UBAC2: variants seen among roughly 807,000 people sequenced by gnomAD.
UBAC2 encodes ubiquitin-associated domain-containing protein 2.
UBAC2 carries 26 observed loss-of-function variants against 44.0 expected under a neutral mutation model. The observed-to-expected ratio is 0.59, with a 90% CI of 0.43 to 0.82. The LOEUF (loss-of-function observed/expected upper bound fraction) is 0.82. Ranked by LOEUF, UBAC2 falls within the 40% of genes least tolerant of loss-of-function variation. UBAC2 has a pLI of 0.00. For missense variants in UBAC2, 329 were observed against 419.4 expected, an observed-to-expected ratio of 0.78 and a Z score of 1.88; for synonymous variants, 155 against 154.3, an observed-to-expected ratio of 1.00 and a Z score of -0.04.
At chr13:99,241,235 A>T (rs373087776) in intron 2 of UBAC2, among the ~76,000 whole-genome samples, 2 of 150,214 alleles carry the variant, frequency 1.3e-5, no homozygotes, top group East Asian at 3.9e-4. Flanking sequence ...ACTGCACTAC[A>T]GCCTGGGCAA....
At chr13:99,290,202 C>T (rs1011007029) in intron 4 of UBAC2, among the ~76,000 whole-genome samples, 1 of 152,166 alleles carries the variant, frequency 6.6e-6, no homozygotes, top group Non-Finnish European at 1.5e-5. Context: ...TAGAACAAGC[C>T]TCACAGCATT....
At chr13:99,231,850 A>G (rs1162389744) in intron 1 of UBAC2, among the ~76,000 whole-genome samples, 1 of 152,236 alleles carries the variant, frequency 6.6e-6, no homozygotes, top group African/African-American at 2.4e-5. Context: ...ATGGAATAAC[A>G]GCTGCCCAGT....
chr13:99,288,987 A>T (rs995922245), intron 4 of UBAC2, among the ~76,000 whole-genome samples: 5 of 152,242 alleles, frequency 3.3e-5, no homozygotes, highest in Non-Finnish European at 7.3e-5. Flanking sequence ...TGAGGGATAC[A>T]AGAATATTGC....
intron 1 of UBAC2, chr13:99,201,140 G>C: frequency 2.2e-6 from 3 of 1,368,296 alleles, no homozygotes; most frequent in Non-Finnish European, 2.8e-6. Context: ...GGGCGAATGG[G>C]GACAAAGCCC....
chr13:99,215,797 G>A (rs1008482596), intron 1 of UBAC2: 2 of 787,508 alleles, frequency 2.5e-6, no homozygotes, highest in Admixed American at 2.6e-5. Context: ...CAGAGAAAGG[G>A]CTAATCAGAC....
At chr13:99,368,680 CAT>C (rs2045363026) in intron 8 of UBAC2, among the ~76,000 whole-genome samples, 1 of 119,636 alleles carries the variant, frequency 8.4e-6, no homozygotes, top group South Asian at 2.7e-4. Context: ...ATCGTAAACT[CAT>C]GAGAGAGTGT....
At chr13:99,289,877 C>A (rs978169320) in intron 4 of UBAC2, among the ~76,000 whole-genome samples, 1 of 152,146 alleles carries the variant, frequency 6.6e-6, no homozygotes, top group Non-Finnish European at 1.5e-5. Flanking sequence ...CCTCTCACCT[C>A]GGGCTGGAAG....
chr13:99,375,680 G>T (rs576121654), intron 8 of UBAC2, among the ~76,000 whole-genome samples: 1 of 152,316 alleles, frequency 6.6e-6, no homozygotes, highest in Admixed American at 6.5e-5. Flanking sequence ...TCACTGAGGG[G>T]AGTTGCTAGA....
chr13:99,237,271 T>TATATATACAC (rs374683969), intron 1 of UBAC2, among the ~76,000 whole-genome samples: 4 of 144,928 alleles, frequency 2.8e-5, no homozygotes, highest in African/African-American at 5.1e-5. Flanking sequence ...TATATATATA[T>TATATATACAC]ACACACACAC....
chr13:99,251,046 C>G (rs2043452634), intron 4 of UBAC2, among the ~76,000 whole-genome samples: 1 of 152,158 alleles, frequency 6.6e-6, no homozygotes, highest in Admixed American at 6.5e-5. Context: ...AGCCACCAAG[C>G]CTGGCCATCT....
Position 99,242,959 on chromosome 13 carries a change from C to G in UBAC2, c.160-873C>G, listed in dbSNP as rs1424711393. On this transcript the variant is annotated intron_variant, in intron 2 of 8. Transcript: ENST00000403766. The stretch of plus-strand genomic sequence containing the variant: ...CTCACTTCCTAGATGGGATGGCGGC[C>G]GGGAAGAGGCGCTCCTCACTTCCTA... 8.0e-5 allele frequency among the ~76,000 whole-genome samples: 12 copies of G among 150,434 alleles called. No individual in the cohort carries two copies. In the East Asian group the frequency reaches 2.2e-3, roughly 27 times the overall value.
intron 1 of UBAC2, among the ~76,000 whole-genome samples, chr13:99,222,544 A>AGTGGTAAGTGGT (rs1324314359): frequency 6.6e-6 from 1 of 152,258 alleles, no homozygotes; most frequent in Non-Finnish European, 1.5e-5. Flanking sequence ...ATTGGTAATT[A>AGTGGTAAGTGGT]CATAGCAGTA....
chr13:99,277,725 G>C (rs1049194462), intron 4 of UBAC2, among the ~76,000 whole-genome samples: 2 of 152,150 alleles, frequency 1.3e-5, no homozygotes, highest in Non-Finnish European at 2.9e-5. Flanking sequence ...AATAGGCCTT[G>C]TAATCACTGT....
intron 8 of UBAC2, among the ~76,000 whole-genome samples, chr13:99,368,981 G>A (rs1378565042): frequency 2.6e-5 from 4 of 152,114 alleles, no homozygotes; most frequent in African/African-American, 9.7e-5. Context: ...GCCAGCTGCG[G>A]GATCCCACTG....
At chr13:99,270,076 G>T (rs1177589936) in intron 4 of UBAC2, among the ~76,000 whole-genome samples, 2 of 152,124 alleles carry the variant, frequency 1.3e-5, no homozygotes, top group African/African-American at 4.8e-5. Flanking sequence ...AACACCACTG[G>T]TATAGCAATT....
intron 8 of UBAC2, among the ~76,000 whole-genome samples, chr13:99,382,883 G>A (rs1466608687): frequency 2.6e-5 from 4 of 152,206 alleles, no homozygotes; most frequent in Non-Finnish European, 4.4e-5. Flanking sequence ...AACAAGCCAC[G>A]GTACCCACAG....
intron 6 of UBAC2, among the ~76,000 whole-genome samples, chr13:99,319,302 G>T (rs912041850): frequency 6.6e-6 from 1 of 152,068 alleles, no homozygotes; most frequent in Non-Finnish European, 1.5e-5. Flanking sequence ...TTTAACTAGC[G>T]GTTATAGAGC....
At chr13:99,256,838 T>C (rs1419304905) in intron 4 of UBAC2, among the ~76,000 whole-genome samples, 6 of 152,092 alleles carry the variant, frequency 3.9e-5, no homozygotes, top group Non-Finnish European at 7.4e-5. Context: ...AAAAATAGAC[T>C]TTGCTGCAAT....
chr13:99,201,076 T>C, intron 1 of UBAC2, 137 bp downstream of exon 1: 2 of 1,340,622 alleles, frequency 1.5e-6, no homozygotes, highest in Non-Finnish European at 1.9e-6. Context: ...GTCCGAACCC[T>C]GCTAGTTCCC....
Sources: gnomAD v4.1 joint callset for allele counts (sites outside exome capture counted in the v4.1 genomes callset) on GRCh38, gnomAD v4.1.1 for gene constraint, MANE v1.5 for transcripts, NCBI Gene and HGNC (gene_info 2026-07-23, HGNC 2026-07-21) for gene names.